Variants in LHCGR observed in about 807,000 individuals in gnomAD.
The protein encoded by LHCGR is lutropin-choriogonadotropic hormone receptor.
In LHCGR, 55 loss-of-function variants were observed where a neutral mutation model predicts 60.7. The ratio of observed to expected loss-of-function variants is 0.91; its 90% confidence interval spans 0.73 to 1.13. The LOEUF (loss-of-function observed/expected upper bound fraction) is 1.13, where lower values mean the gene tolerates loss of function less well. LHCGR is among the 50% of genes most tolerant of loss of function. The pLI, the probability that LHCGR is intolerant of heterozygous loss-of-function variation, is 0.00. For missense variants in LHCGR, 862 were observed against 836.0 expected, an observed-to-expected ratio of 1.03 and a Z score of -0.38; for synonymous variants, 337 against 316.5, an observed-to-expected ratio of 1.06 and a Z score of -0.69.
chr2:48,698,993 T>C lies in LHCGR; in HGVS notation c.681-193A>G, dbSNP rs13028542. ...AGTCGCTGGGACTACAGGCGCCCGC[T>C]ACCACGCCCGGCTAAGAGACCGGGG... On this transcript the variant is annotated intron_variant, in intron 8 of 10. Coordinates refer to ENST00000294954, the MANE Select transcript of LHCGR (RefSeq NM_000233.4). Among the ~76,000 whole-genome samples the C allele has an allele frequency of 0.04, 6,043 of 152,054 alleles. 175 individuals carry two copies. Among genetic ancestry groups the C allele is most frequent in the Non-Finnish European group, 0.059 (4,009 of 67,956 alleles).
chr2:48,703,247 T>G (rs983140383), intron 8 of LHCGR, among the ~76,000 whole-genome samples: 12 of 152,370 alleles, frequency 7.9e-5, no homozygotes, highest in Admixed American at 3.9e-4. Context: ...GCTGATAGTT[T>G]CTTTTGCTGT....
chr2:48,714,475 T>C (rs1021441490), intron 6 of LHCGR, among the ~76,000 whole-genome samples: 5 of 147,966 alleles, frequency 3.4e-5, no homozygotes, highest in Admixed American at 2.0e-4. Flanking sequence ...CCTCCAGCAC[T>C]GAGCCCACTT....
chr2:48,739,966 G>A (rs549443276), intron 1 of LHCGR, among the ~76,000 whole-genome samples: 6 of 152,214 alleles, frequency 3.9e-5, no homozygotes, highest in Admixed American at 6.5e-5. Context: ...GACAGTGGGC[G>A]CAGGTCAGTG....
At chr2:48,736,895 C>T (rs953147784) in intron 1 of LHCGR, among the ~76,000 whole-genome samples, 4 of 152,186 alleles carry the variant, frequency 2.6e-5, no homozygotes, top group African/African-American at 7.2e-5. Flanking sequence ...GTTCAATTGA[C>T]ACACTCTCTC....
intron 8 of LHCGR, among the ~76,000 whole-genome samples, chr2:48,699,149 A>T (rs1667279084): frequency 6.6e-6 from 1 of 152,166 alleles, no homozygotes; most frequent in African/African-American, 2.4e-5. Context: ...TATTCAGAGA[A>T]TGAAACCTCC....
intron 8 of LHCGR, among the ~76,000 whole-genome samples, chr2:48,706,639 G>T (rs142186301): frequency 1.0e-3 from 154 of 151,846 alleles, no homozygotes; most frequent in Non-Finnish European, 1.2e-3. Context: ...TCATTAATTT[G>T]ATCTTCAATG....
At chr2:48,753,214 C>G (rs928524809) in intron 1 of LHCGR, among the ~76,000 whole-genome samples, 6 of 152,070 alleles carry the variant, frequency 3.9e-5, no homozygotes, top group African/African-American at 1.4e-4. Context: ...CTAACATTTC[C>G]CAGGTGATGT....
intron 9 of LHCGR, among the ~76,000 whole-genome samples, chr2:48,696,596 A>G (rs1667125343): frequency 6.6e-6 from 1 of 152,200 alleles, no homozygotes; most frequent in African/African-American, 2.4e-5. Context: ...CAGGTCAATA[A>G]ATGAAAATAA....
Position 48,697,948 on chromosome 2 carries a change from C to A in LHCGR, c.866+667G>T, listed in dbSNP as rs1038322770. Among the ~76,000 whole-genome samples, 3 of 152,130 alleles carry A rather than the reference C, an allele frequency of 2.0e-5. No individual in the cohort carries two copies. In the East Asian group the frequency reaches 5.8e-4, roughly 29 times the overall value. ...ATGTGACATGTACTGGGTTGCAATA[C>A]CAAAGTATTTGTTACTGTGCATCTC... On this transcript the variant is annotated intron_variant, in intron 9 of 10. Transcript: ENST00000294954.
chr2:48,750,918 G>A (rs1307274639), intron 1 of LHCGR, among the ~76,000 whole-genome samples: 2 of 152,198 alleles, frequency 1.3e-5, no homozygotes, highest in Non-Finnish European at 2.9e-5. Flanking sequence ...ATTCTACAAG[G>A]TTCAAAACAG....
intron 6 of LHCGR, among the ~76,000 whole-genome samples, chr2:48,718,445 A>G (rs1668358261): frequency 6.6e-6 from 1 of 152,198 alleles, no homozygotes; most frequent in African/African-American, 2.4e-5. Context: ...ACATTCTTCT[A>G]TAGTTTCCTT....
chr2:48,745,898 C>G (rs1297210395), intron 1 of LHCGR, among the ~76,000 whole-genome samples: 3 of 151,648 alleles, frequency 2.0e-5, no homozygotes, highest in Admixed American at 6.6e-5. Flanking sequence ...AAAGGTCCGT[C>G]TCAGGTACTA....
At chr2:48,740,566 C>A (rs9751901) in intron 1 of LHCGR, among the ~76,000 whole-genome samples, 7 of 152,064 alleles carry the variant, frequency 4.6e-5, no homozygotes, top group African/African-American at 1.7e-4. Context: ...TGGGAGGCAC[C>A]CCCCAGTAGG....
Position 48,716,252 on chromosome 2 carries a change from G to C in LHCGR, c.537-2198C>G, listed in dbSNP as rs115866238. 9.3e-3 allele frequency among the ~76,000 whole-genome samples: 1,414 copies of C among 151,984 alleles called. 10 individuals carry two copies. Among genetic ancestry groups the C allele is most frequent in the Middle Eastern group, 0.017 (5 of 294 alleles). On this transcript the variant is annotated intron_variant, in intron 6 of 10. Coordinates refer to ENST00000294954, the MANE Select transcript of LHCGR (RefSeq NM_000233.4). ...GAGCTTAACTTTACATCACACCACA[G>C]GCCTTTCTCAAATAACTTATATTTC... is the stretch of plus-strand genomic sequence containing the variant.
chr2:48,714,174 T>C (rs1049480627), intron 6 of LHCGR, 120 bp from the exon 7 acceptor site: 2 of 722,974 alleles, frequency 2.8e-6, no homozygotes, highest in Non-Finnish European at 5.0e-6. Context: ...TAATATCTAG[T>C]TCTCCATCAT....
intron 8 of LHCGR, among the ~76,000 whole-genome samples, chr2:48,702,437 T>C (rs192392604): frequency 2.1e-4 from 32 of 151,088 alleles, no homozygotes; most frequent in Non-Finnish European, 4.3e-4. Flanking sequence ...CGACAGGCCC[T>C]GGTGTGTGAT....
intron 9 of LHCGR, among the ~76,000 whole-genome samples, chr2:48,695,320 T>G (rs1667061832): frequency 6.6e-6 from 1 of 152,196 alleles, no homozygotes; most frequent in South Asian, 2.1e-4. Context: ...CATCAATTTA[T>G]GTTTTTGTTG....
chr2:48,690,192 A>G (rs1018551890), intron 10 of LHCGR, among the ~76,000 whole-genome samples: 1 of 152,200 alleles, frequency 6.6e-6, no homozygotes, highest in Non-Finnish European at 1.5e-5. Context: ...GCTATGAGAT[A>G]AAATCCAAAC....
At position 48,723,604 on chromosome 2, in the gene LHCGR, A is replaced by C; in HGVS notation, c.458+18T>G. 6.2e-7 allele frequency: 1 copy of C among 1,609,070 alleles called. No homozygotes were observed. The highest frequency in any genetic ancestry group is 8.5e-7 in the Non-Finnish European group (1 of 1,175,354). On this transcript the variant is annotated intron_variant, in intron 5 of 10. Transcript: ENST00000294954. ...CAAATAGGAAACTGTTATGCATAGC[A>C]ATCAGCCTGGTACTTACAGAATGAA...
Sources: gnomAD v4.1 joint callset for allele counts (sites outside exome capture counted in the v4.1 genomes callset) on GRCh38, gnomAD v4.1.1 for gene constraint, MANE v1.5 for transcripts, NCBI Gene and HGNC (gene_info 2026-07-23, HGNC 2026-07-21) for gene names.